The following IWS1 variants were observed in gnomAD, a reference collection of about 807,000 sequenced individuals.
IWS1 encodes protein IWS1 homolog.
Under a neutral mutation model 86.7 loss-of-function variants are expected in IWS1, and 27 were observed. That is an observed-to-expected ratio of 0.31 (90% CI 0.23 to 0.43). The LOEUF is 0.43. IWS1 is among the 20% of genes least tolerant of loss of function. The pLI is 1.00. For missense variants in IWS1, 827 were observed against 1,000.8 expected (o/e 0.83, Z 2.34); for synonymous variants, 313 against 335.1 (o/e 0.93, Z 0.72).
chr2:127,520,630 T>C (rs973816442), intron 2 of IWS1, among the ~76,000 whole-genome samples: 8 of 152,254 alleles, frequency 5.3e-5, no homozygotes, highest in African/African-American at 1.7e-4. Context: ...ACTGGCACTC[T>C]TGAAGTACTA....
chr2:127,523,013 C>G (rs188266766), intron 2 of IWS1, among the ~76,000 whole-genome samples: 35 of 152,264 alleles, frequency 2.3e-4, no homozygotes, highest in African/African-American at 7.9e-4. Flanking sequence ...AGTTTGAGAT[C>G]AGCCTGGCCA....
In IWS1 at chr2:127,481,178, A is replaced by T. The variant is rs1689602849; in HGVS notation, c.2329-3T>A. 6.3e-7 allele frequency: 1 copy of T among 1,591,882 alleles called. No individual in the cohort carries two copies. The highest frequency in any genetic ancestry group is 8.5e-7 in the Non-Finnish European group (1 of 1,173,624). On this transcript the variant is annotated splice_region_variant and splice_polypyrimidine_tract_variant and intron_variant, in intron 13 of 13. Coordinates refer to ENST00000295321, the MANE Select transcript of IWS1 (RefSeq NM_017969.3). Reference sequence around the variant, plus strand: ...CCCTTCTTGGAGGTCGCCTGAAACTAAGAGTAAGGGAAAAATTAAAGAGCA... The same window carrying T: ...CCCTTCTTGGAGGTCGCCTGAAACTTAGAGTAAGGGAAAAATTAAAGAGCA...
rs117187576 is a variant in IWS1 at position 127,487,243 on chromosome 2, G to A, written c.2217-579C>T. Among the ~76,000 whole-genome samples, 10 of 152,268 alleles carry A rather than the reference G, an allele frequency of 6.6e-5. No homozygotes were observed. In the East Asian group the frequency reaches 1.5e-3, roughly 24 times the overall value. On this transcript the variant is annotated intron_variant, in intron 12 of 13. Transcript: ENST00000295321. The stretch of plus-strand genomic sequence containing the variant: ...GTCTCTCCCAATAGCAACAACTTGC[G>A]AATCTACAGTATAGTATCACAACCA...
intron 2 of IWS1, among the ~76,000 whole-genome samples, chr2:127,507,933 GTA>G (rs1464804384): frequency 2.0e-5 from 3 of 152,150 alleles, no homozygotes; most frequent in Non-Finnish European, 4.4e-5. Flanking sequence ...TTCCAGCTAT[GTA>G]TATAAGACAC....
At chr2:127,526,914 A>C (rs1039137152), upstream of IWS1, 11 of 303,050 alleles carry the variant, frequency 3.6e-5, no homozygotes, top group Admixed American at 1.7e-4. Context: ...ATGCGTTACT[A>C]ACTGGCGCGA....
At position 127,526,236 on chromosome 2, in the gene IWS1, C is replaced by T; in HGVS notation, c.-28G>A. On this transcript the variant is annotated 5_prime_UTR_variant, in exon 1 of 14. Coordinates refer to ENST00000295321, the MANE Select transcript of IWS1 (RefSeq NM_017969.3). ...CAGGCGGACTCTCAGCGGGGAGTGTCCGCGCCCCGCGCCGCCCCCGTCACC... is the reference window on the plus strand; with the variant it reads ...CAGGCGGACTCTCAGCGGGGAGTGTTCGCGCCCCGCGCCGCCCCCGTCACC... 1 of 1,552,504 alleles carries T rather than the reference C, an allele frequency of 6.4e-7. No individual in the cohort carries two copies. The highest frequency in any genetic ancestry group is 1.2e-5 in the South Asian group (1 of 84,254).
intron 2 of IWS1, among the ~76,000 whole-genome samples, chr2:127,522,125 G>A (rs957187275): frequency 2.0e-5 from 3 of 152,042 alleles, no homozygotes; most frequent in Non-Finnish European, 4.4e-5. Context: ...TTCCACACCC[G>A]CATTTAGTTC....
At chr2:127,486,526 C>T in intron 13 of IWS1, 27 bp downstream of exon 13, 1 of 1,478,194 alleles carries the variant, frequency 6.8e-7, no homozygotes, top group Non-Finnish European at 9.5e-7. Context: ...AGGTGAGATC[C>T]ACCTTGCCGA....
chr2:127,496,031 A>C lies in IWS1; in HGVS notation c.1683T>G (p.Ser561Arg). 6.2e-7 allele frequency: 1 copy of C among 1,613,384 alleles called. No homozygotes were observed. Among genetic ancestry groups the C allele is most frequent in the Non-Finnish European group, 8.5e-7 (1 of 1,179,734 alleles). Residue 561 changes from serine to arginine, a missense_variant, in exon 7 of 14, where the codon AGT (serine) becomes AGG (arginine). Physicochemically the swap from Ser to Arg is moderately radical, Grantham distance 110. Coordinates refer to ENST00000295321, the MANE Select transcript of IWS1 (RefSeq NM_017969.3). ...CTTCATTCATCTTGACGATCATGGC[A>C]CTCACGACGTCGTCTGCATCACTAA... is the stretch of plus-strand genomic sequence containing the variant. ...TFISDADDVV[S>R]AMIVKMNEAA...
chr2:127,522,507 A>G (rs566541938), intron 2 of IWS1, among the ~76,000 whole-genome samples: 50 of 152,364 alleles, frequency 3.3e-4, no homozygotes, highest in Admixed American at 1.4e-3. Context: ...CTAGTCACTG[A>G]TAAGTCCAAA....
chr2:127,503,894 G>T (rs986791595), intron 3 of IWS1, among the ~76,000 whole-genome samples: 5 of 152,124 alleles, frequency 3.3e-5, no homozygotes, highest in African/African-American at 1.2e-4. Flanking sequence ...ATTAAAACTA[G>T]ATTGATGGGC....
rs1358702471 is a variant in IWS1 at position 127,504,735 on chromosome 2, C to T, written c.1168G>A (p.Ala390Thr). ...DEKEGEEEKV[A>T]KRKAAVLSDS... is the part of the protein sequence containing the mutation. Reference sequence around the variant, plus strand: ...GAAAGCACAGCAGCTTTTCTCTTCGCTACTTTCTCCTCCTCACCCTCTTTT... The same window carrying T: ...GAAAGCACAGCAGCTTTTCTCTTCGTTACTTTCTCCTCCTCACCCTCTTTT... The change falls in exon 3 of 14, where the codon GCG becomes ACG. Residue 390 changes from alanine (A) to threonine (T), a missense_variant. Around this residue, in one of 2 missense-constraint regions of IWS1, gnomAD observed 548 missense variants for 560.2 expected, o/e 0.98. Coordinates refer to ENST00000295321, the MANE Select transcript of IWS1 (RefSeq NM_017969.3). The T allele has an allele frequency of 1.2e-6, 2 of 1,612,738 alleles. No homozygotes were observed. The highest frequency in any genetic ancestry group is 2.7e-5 in the African/African-American group (2 of 74,764).
Position 127,489,683 on chromosome 2 carries a change from A to C in IWS1, c.2159+149T>G, listed in dbSNP as rs1690120677. The C allele has an allele frequency of 1.5e-6, 1 of 647,230 alleles. No individual in the cohort carries two copies. The highest frequency in any genetic ancestry group is 1.8e-5 in the African/African-American group (1 of 55,084). 40.1% of individuals were successfully genotyped at this position (647,230 alleles called of 1,614,324 possible). On this transcript the variant is annotated intron_variant, in intron 11 of 13. Transcript: ENST00000295321. The surrounding 1 kb of genome is among the most constrained non-coding windows in gnomAD (Gnocchi z 4.8). Reference sequence around the variant, plus strand: ...CCTCACTATACACTATCACATTTAAACTAAAAGGATATTATGAATTATGTA... The same window carrying C: ...CCTCACTATACACTATCACATTTAACCTAAAAGGATATTATGAATTATGTA...
At chr2:127,503,737 G>T (rs1690948002) in intron 3 of IWS1, among the ~76,000 whole-genome samples, 161 bp from the exon 4 acceptor site, 1 of 151,702 alleles carries the variant, frequency 6.6e-6, no homozygotes, top group African/African-American at 2.4e-5. Context: ...CTGACACATG[G>T]TTTAGAATTT....
Position 127,489,622 on chromosome 2 carries a change from A to G in IWS1, c.2159+210T>C. On this transcript the variant is annotated intron_variant, in intron 11 of 13. Coordinates refer to ENST00000295321, the MANE Select transcript of IWS1 (RefSeq NM_017969.3). This position sits in a 1 kb window ranked among gnomAD's most constrained non-coding sequence, Gnocchi z 4.8. ...TCCTGAAACAGGCCCTGTTCCAACAAACTGACCCAGAAAGGTCTGGTTAGG... is the reference window on the plus strand; with the variant it reads ...TCCTGAAACAGGCCCTGTTCCAACAGACTGACCCAGAAAGGTCTGGTTAGG... 2 of 553,042 alleles carry G rather than the reference A, an allele frequency of 3.6e-6. No individual in the cohort carries two copies. The highest frequency in any genetic ancestry group is 5.0e-5 in the South Asian group (2 of 40,258). 34.3% of individuals were successfully genotyped at this position (553,042 alleles called of 1,614,324 possible).
intron 1 of IWS1, among the ~76,000 whole-genome samples, chr2:127,525,338 G>A (rs888880232): frequency 2.0e-5 from 3 of 152,194 alleles, no homozygotes; most frequent in Non-Finnish European, 2.9e-5. Context: ...GTAAGGAAAA[G>A]CAATGAACTC....
At chr2:127,493,048 A>G (rs2104670686) in intron 9 of IWS1, 1 of 332,382 alleles carries the variant, frequency 3.0e-6, no homozygotes, top group South Asian at 7.3e-5. Flanking sequence ...TACTCTTCTC[A>G]GACACATTAC....
intron 7 of IWS1, 93 bp downstream of exon 7, chr2:127,495,905 T>C: frequency 2.7e-6 from 3 of 1,104,706 alleles, no homozygotes; most frequent in Non-Finnish European, 3.8e-6. Context: ...CAAAGCATCT[T>C]AATTGTAGTT....
chr2:127,516,002 A>C (rs1265945758), intron 2 of IWS1, among the ~76,000 whole-genome samples: 2 of 152,126 alleles, frequency 1.3e-5, no homozygotes, highest in Non-Finnish European at 2.9e-5. Flanking sequence ...AGAAGGCTCT[A>C]CCTTGGGTGG....
Sources: allele counts gnomAD v4.1 joint callset (sites outside exome capture counted in the v4.1 genomes callset), GRCh38; gene constraint gnomAD v4.1.1; regional missense constraint gnomAD v4.1.1; non-coding constraint Gnocchi (gnomAD v3.1); transcripts MANE v1.5; gene names NCBI Gene and HGNC (gene_info 2026-07-23, HGNC 2026-07-21).